The following MAGI2 variants were observed in gnomAD, a reference collection of about 807,000 sequenced individuals.
MAGI2 encodes membrane associated guanylate kinase, WW and PDZ domain containing 2, also known as membrane-associated guanylate kinase, WW and PDZ domain-containing protein 2.
MAGI2 carries 35 observed loss-of-function variants against 133.3 expected under a neutral mutation model. The observed-to-expected ratio is 0.26, with a 90% CI of 0.20 to 0.35. The LOEUF is 0.35. Among genes scored for constraint, MAGI2 ranks in the 10% least tolerant of loss-of-function variants. The pLI is 1.00. For synonymous variants in MAGI2, 729 were observed against 710.6 expected (o/e 1.03, Z -0.41); for missense variants, 1,636 against 1,863.4 (o/e 0.88, Z 2.25).
intron 7 of MAGI2, chr7:78,347,392 C>G (rs1791035058): frequency 6.6e-6 from 1 of 152,236 alleles, no homozygotes; most frequent in African/African-American, 2.4e-5. Context: ...GCCTGCCCCA[C>G]AGGCTCTGCA....
intron 3 of MAGI2, among the ~76,000 whole-genome samples, chr7:78,543,851 T>G (rs1798606559): frequency 6.6e-6 from 1 of 152,254 alleles, no homozygotes; most frequent in Admixed American, 6.5e-5. Context: ...TAGTCATATC[T>G]TTATGTAGAA....
intron 1 of MAGI2, among the ~76,000 whole-genome samples, chr7:79,186,816 A>C (rs1032157763): frequency 3.7e-5 from 5 of 136,846 alleles, no homozygotes; most frequent in African/African-American, 1.3e-4. Flanking sequence ...AACATAGGAT[A>C]CCAGAATCCC....
At chr7:78,319,139 A>C (rs1092466) in intron 9 of MAGI2, among the ~76,000 whole-genome samples, 2 of 151,990 alleles carry the variant, frequency 1.3e-5, no homozygotes, top group East Asian at 3.9e-4. Context: ...ATGTAAATGG[A>C]CTAAATGCCC....
rs34844201 is a variant in MAGI2 at position 78,838,509 on chromosome 7, AGTGT to A, written c.418+168577_418+168580del. 9.5e-3 allele frequency among the ~76,000 whole-genome samples: 1,402 copies of A among 147,842 alleles called. 8 individuals are homozygous for A. Among genetic ancestry groups the A allele is most frequent in the Non-Finnish European group, 0.013 (841 of 66,676 alleles). ...ATTAAATAAAAGCATTATGTGTGTG[AGTGT>A]GTGTGTGTGTGTGTGTGTGTGTGTC... On this transcript the variant is annotated intron_variant, in intron 2 of 21. Transcript: ENST00000354212.
At chr7:78,726,645 T>C (rs1174521346) in intron 2 of MAGI2, among the ~76,000 whole-genome samples, 1 of 152,172 alleles carries the variant, frequency 6.6e-6, no homozygotes, top group African/African-American at 2.4e-5. Flanking sequence ...GTTTCAACAT[T>C]AATATAACAG....
chr7:78,323,456 CTTTCA>C (rs1250088972), intron 9 of MAGI2, among the ~76,000 whole-genome samples: 1 of 152,168 alleles, frequency 6.6e-6, no homozygotes, highest in African/African-American at 2.4e-5. Flanking sequence ...ACACTACATT[CTTTCA>C]TTTATCACAT....
intron 2 of MAGI2, among the ~76,000 whole-genome samples, chr7:78,743,211 T>C (rs562965049): frequency 2.2e-4 from 34 of 152,330 alleles, no homozygotes; most frequent in African/African-American, 7.7e-4. Flanking sequence ...TATAGAGATA[T>C]AGGTCTAGTG....
At chr7:78,582,322 G>GA (rs1246711440) in intron 3 of MAGI2, among the ~76,000 whole-genome samples, 1 of 152,154 alleles carries the variant, frequency 6.6e-6, no homozygotes, top group African/African-American at 2.4e-5. Context: ...ATCTGTGGTT[G>GA]AAAAACATTA....
intron 1 of MAGI2, among the ~76,000 whole-genome samples, chr7:79,208,035 C>T (rs1829203137): frequency 6.6e-6 from 1 of 151,828 alleles, no homozygotes; most frequent in South Asian, 2.1e-4. Context: ...CAAAAATCAA[C>T]TAAAAATGGA....
chr7:79,204,182 A>G (rs1359152213), intron 1 of MAGI2, among the ~76,000 whole-genome samples: 1 of 152,072 alleles, frequency 6.6e-6, no homozygotes, highest in African/African-American at 2.4e-5. Flanking sequence ...CCATGGCCTC[A>G]TATTCAAGGC....
intron 2 of MAGI2, among the ~76,000 whole-genome samples, chr7:78,976,883 A>G (rs1237247773): frequency 6.6e-6 from 1 of 151,654 alleles, no homozygotes; most frequent in African/African-American, 2.4e-5. Flanking sequence ...ACATATAAGT[A>G]TAACAAAATA....
intron 1 of MAGI2, among the ~76,000 whole-genome samples, chr7:79,220,237 G>C (rs983563249): frequency 6.6e-6 from 1 of 151,938 alleles, no homozygotes. Context: ...GGAGGTGGGT[G>C]CATGTTTTTC....
chr7:78,689,542 T>C (rs1469619039), intron 2 of MAGI2, among the ~76,000 whole-genome samples: 1 of 152,172 alleles, frequency 6.6e-6, no homozygotes, highest in East Asian at 1.9e-4. Flanking sequence ...TGCTTCATAC[T>C]CCTTCGCAGT....
intron 1 of MAGI2, among the ~76,000 whole-genome samples, chr7:79,105,723 A>G (rs775105092): frequency 1.3e-4 from 19 of 151,784 alleles, no homozygotes; most frequent in Non-Finnish European, 2.4e-4. Flanking sequence ...CCGACTAACC[A>G]TTTTTTTTAG....
At chr7:78,569,493 A>C (rs1233063083) in intron 3 of MAGI2, among the ~76,000 whole-genome samples, 1 of 152,182 alleles carries the variant, frequency 6.6e-6, no homozygotes, top group East Asian at 1.9e-4. Context: ...AGGCATATGG[A>C]AACTCAGACT....
intron 1 of MAGI2, among the ~76,000 whole-genome samples, chr7:79,028,600 C>A (rs971935548): frequency 1.1e-4 from 16 of 151,932 alleles, no homozygotes; most frequent in African/African-American, 3.6e-4. Flanking sequence ...ACAAATACTG[C>A]TTTTCCACAT....
At chr7:78,338,543 C>T (rs1790014962) in intron 9 of MAGI2, among the ~76,000 whole-genome samples, 1 of 152,144 alleles carries the variant, frequency 6.6e-6, no homozygotes, top group African/African-American at 2.4e-5. Flanking sequence ...AAACATTTGT[C>T]TCATTTTTGC....
At chr7:78,894,660 A>G (rs1482040820) in intron 2 of MAGI2, among the ~76,000 whole-genome samples, 1 of 152,190 alleles carries the variant, frequency 6.6e-6, no homozygotes, top group Non-Finnish European at 1.5e-5. Context: ...TTAAGATTAA[A>G]AATAGATTTT....
At chr7:78,411,642 T>C (rs1797882478) in intron 6 of MAGI2, among the ~76,000 whole-genome samples, 1 of 152,046 alleles carries the variant, frequency 6.6e-6, no homozygotes, top group Non-Finnish European at 1.5e-5. Flanking sequence ...ATTTCTTGCG[T>C]TGGGTTTGTG....
Sources: allele counts gnomAD v4.1 joint callset (sites outside exome capture counted in the v4.1 genomes callset), GRCh38; gene constraint gnomAD v4.1.1; transcripts MANE v1.5; gene names NCBI Gene and HGNC (gene_info 2026-07-23, HGNC 2026-07-21).